Variants in ZNF469 observed in about 807,000 individuals in gnomAD.
ZNF469 encodes zinc finger protein 469.
In ZNF469, 1 loss-of-function variant was observed where a neutral mutation model predicts 1.0. The observed-to-expected ratio is 1.00, with a 90% CI of 0.35 to 4.73. The LOEUF is 4.73. ZNF469 is among the 30% of genes most tolerant of loss of function. The pLI, the probability that ZNF469 is intolerant of heterozygous loss-of-function variation, is 0.16. For missense variants in ZNF469, 6,100 were observed against 5,356.3 expected, an observed-to-expected ratio of 1.14 and a Z score of -4.33; for synonymous variants, 2,703 against 2,363.4, an observed-to-expected ratio of 1.14 and a Z score of -4.17.
the ZNF469 span, among the ~76,000 whole-genome samples, chr16:88,351,673 G>A: frequency 6.6e-6 from 1 of 152,190 alleles, no homozygotes; most frequent in Non-Finnish European, 1.5e-5. Flanking sequence ...AGGTCCAGAC[G>A]GCCCTCTGTG....
chr16:88,206,357 G>A, the ZNF469 span, among the ~76,000 whole-genome samples: 1 of 152,176 alleles, frequency 6.6e-6, no homozygotes, highest in East Asian at 1.9e-4. Flanking sequence ...GTGGGTCTGG[G>A]CGCCTCCCTT....
the ZNF469 span, among the ~76,000 whole-genome samples, chr16:88,134,475 A>G: frequency 2.4e-4 from 36 of 152,214 alleles, no homozygotes; most frequent in African/African-American, 8.7e-4. Flanking sequence ...CCGTGTGGTT[A>G]CTTTCTGCAA....
the ZNF469 span, among the ~76,000 whole-genome samples, chr16:88,225,465 G>A: frequency 1.3e-5 from 2 of 152,168 alleles, no homozygotes; most frequent in Non-Finnish European, 2.9e-5. Context: ...GGCAGGGATT[G>A]GGGAGACCCT....
At chr16:88,341,015 G>A in the ZNF469 span, among the ~76,000 whole-genome samples, 13 of 152,248 alleles carry the variant, frequency 8.5e-5, no homozygotes, top group South Asian at 1.9e-3. Context: ...GGCAGCCCTC[G>A]CAGAGCTCCT....
the ZNF469 span, among the ~76,000 whole-genome samples, chr16:88,152,627 G>C: frequency 6.6e-6 from 1 of 152,136 alleles, no homozygotes; most frequent in Non-Finnish European, 1.5e-5. The surrounding 1 kb of genome is among the most constrained non-coding windows in gnomAD (Gnocchi z 4.2). Flanking sequence ...AGCTACCTCT[G>C]TGCTAATTGG....
At chr16:88,143,324 G>T in the ZNF469 span, among the ~76,000 whole-genome samples, 1 of 152,216 alleles carries the variant, frequency 6.6e-6, no homozygotes, top group Non-Finnish European at 1.5e-5. Context: ...ACTCAGGGCC[G>T]TCTCCAGCCT....
Position 88,428,824 on chromosome 16 carries a change from C to G in ZNF469, c.1354C>G (p.Pro452Ala), listed in dbSNP as rs1324983268. The change falls in exon 3 of 3, where the codon CCT becomes GCT. Residue 452 changes from proline (P) to alanine (A), a missense_variant. Coordinates refer to ENST00000565624, the MANE Select transcript of ZNF469 (RefSeq NM_001367624.2). ...DPTAAPYPTP[P>A]GGPLAATRSM... ...CACAGCAGCCCCTTACCCCACACCT[C>G]CTGGGGGCCCCCTGGCTGCCACCAG... The G allele has an allele frequency of 1.3e-6, 2 of 1,547,854 alleles. No homozygotes were observed. The highest frequency in any genetic ancestry group is 3.9e-5 in the Admixed American group (2 of 50,984).
the ZNF469 span, among the ~76,000 whole-genome samples, chr16:88,254,800 A>G: frequency 6.6e-6 from 1 of 152,122 alleles, no homozygotes; most frequent in East Asian, 1.9e-4. Flanking sequence ...ATCCCTTTGC[A>G]TCTCTGTATA....
In ZNF469 at chr16:88,429,766, C is replaced by T. The variant is rs932931592; in HGVS notation, c.2296C>T (p.Arg766Trp). 2 of 1,544,506 alleles carry T rather than the reference C, an allele frequency of 1.3e-6. No homozygotes were observed. Among genetic ancestry groups the T allele is most frequent in the Non-Finnish European group, 8.7e-7 (1 of 1,144,834 alleles). Residue 766 changes from arginine (R) to tryptophan (W), a missense_variant, in exon 3 of 3, where the codon CGG becomes TGG. By Grantham distance (101) the Arg-to-Trp change is moderately radical. Coordinates refer to ENST00000565624, the MANE Select transcript of ZNF469 (RefSeq NM_001367624.2). ...LLARAKDGHQRSPGPPGLPSP... is the reference protein window; with the variant it reads ...LLARAKDGHQWSPGPPGLPSP... Reference sequence around the variant, plus strand: ...GGCCAGGGCCAAGGATGGCCACCAGCGGTCTCCAGGCCCCCCTGGGCTCCC... The same window carrying T: ...GGCCAGGGCCAAGGATGGCCACCAGTGGTCTCCAGGCCCCCCTGGGCTCCC...
the ZNF469 span, among the ~76,000 whole-genome samples, chr16:88,290,696 G>T: frequency 6.6e-6 from 1 of 152,198 alleles, no homozygotes; most frequent in African/African-American, 2.4e-5. Flanking sequence ...TACAGCAGAA[G>T]CTCTGCCCAA....
At chr16:88,160,192 G>A in the ZNF469 span, among the ~76,000 whole-genome samples, 1 of 152,224 alleles carries the variant, frequency 6.6e-6, no homozygotes, top group African/African-American at 2.4e-5. Context: ...GACTGGGTCT[G>A]GGACTAAGGA....
At chr16:88,359,130 C>A in the ZNF469 span, among the ~76,000 whole-genome samples, 1 of 152,260 alleles carries the variant, frequency 6.6e-6, no homozygotes, top group Non-Finnish European at 1.5e-5. Flanking sequence ...CCCCCACCAG[C>A]AGCACGTGAG....
chr16:88,403,229 C>T (rs1685545987), intron 1 of ZNF469, among the ~76,000 whole-genome samples: 1 of 152,364 alleles, frequency 6.6e-6, no homozygotes, highest in Non-Finnish European at 1.5e-5. Flanking sequence ...GGCCATGCAT[C>T]CTGGTTGCCC....
intron 1 of ZNF469, among the ~76,000 whole-genome samples, chr16:88,400,499 C>A (rs1173193358): frequency 6.6e-6 from 1 of 152,208 alleles, no homozygotes; most frequent in Non-Finnish European, 1.5e-5. Flanking sequence ...GTCTTGGAAG[C>A]AGTTTGCTCG....
the ZNF469 span, among the ~76,000 whole-genome samples, chr16:88,297,595 C>T: frequency 1.3e-5 from 2 of 152,274 alleles, no homozygotes; most frequent in Non-Finnish European, 1.5e-5. Flanking sequence ...AAGACCCCTC[C>T]GTGGGATGGG....
At chr16:88,416,738 C>T (rs948993307) in intron 1 of ZNF469, among the ~76,000 whole-genome samples, 2 of 152,168 alleles carry the variant, frequency 1.3e-5, no homozygotes, top group Admixed American at 6.5e-5. Context: ...CAACCTTGCC[C>T]ACAAAATCAA....
the ZNF469 span, among the ~76,000 whole-genome samples, chr16:88,293,362 G>C: frequency 1.4e-5 from 2 of 144,552 alleles, no homozygotes; most frequent in Non-Finnish European, 3.0e-5. Context: ...GGTTAAATGA[G>C]TACATGGTGG....
chr16:88,397,321 G>GGACCT (rs1420567593), intron 1 of ZNF469, among the ~76,000 whole-genome samples: 1 of 152,242 alleles, frequency 6.6e-6, no homozygotes, highest in African/African-American at 2.4e-5. Context: ...ACTCACCCTG[G>GGACCT]GACCTGGGAC....
At chr16:88,118,582 A>G in the ZNF469 span, among the ~76,000 whole-genome samples, 2 of 152,056 alleles carry the variant, frequency 1.3e-5, no homozygotes, top group Non-Finnish European at 2.9e-5. Context: ...GGTCAGGCAC[A>G]CCCCGGGTGC....
Sources: gnomAD v4.1 joint callset for allele counts (sites outside exome capture counted in the v4.1 genomes callset) on GRCh38, gnomAD v4.1.1 for gene constraint, Gnocchi (gnomAD v3.1) non-coding constraint, MANE v1.5 for transcripts, NCBI Gene and HGNC (gene_info 2026-07-23, HGNC 2026-07-21) for gene names.